SNX31: variants seen among roughly 807,000 people sequenced by gnomAD.
SNX31 encodes the protein sorting nexin 31, also known as sorting nexin-31.
SNX31 carries 58 observed loss-of-function variants against 65.4 expected under a neutral mutation model. The ratio of observed to expected loss-of-function variants is 0.89; its 90% CI spans 0.72 to 1.10. The LOEUF (loss-of-function observed/expected upper bound fraction) is 1.10. Among genes scored for constraint, SNX31 ranks in the 50% least tolerant of loss-of-function variants. The pLI is 0.00. For synonymous variants in SNX31, 181 were observed against 190.1 expected (o/e 0.95, Z 0.39); for missense variants, 523 against 529.7 (o/e 0.99, Z 0.12).
intron 2 of SNX31, among the ~76,000 whole-genome samples, chr8:100,644,687 C>T (rs987860880): frequency 2.0e-5 from 3 of 152,212 alleles, no homozygotes; most frequent in African/African-American, 7.2e-5. Context: ...TGTTTTGAGA[C>T]AGAGTCTCCC....
chr8:100,649,615 A>C lies in SNX31; in HGVS notation c.-101T>G. The C allele has an allele frequency of 8.2e-7, 1 of 1,224,612 alleles. No homozygotes were observed. The highest frequency in any genetic ancestry group is 1.1e-6 in the Non-Finnish European group (1 of 872,062). The allele number at this position is 1,224,612 out of a possible 1,614,324, so 75.9% of individuals were successfully genotyped here. Reference sequence around the variant, plus strand: ...AGCGGTGGACGCAGCGCGGCCTGCCACGCGACTCAGAGCGAACCCCGGCGC... The same window carrying C: ...AGCGGTGGACGCAGCGCGGCCTGCCCCGCGACTCAGAGCGAACCCCGGCGC... On this transcript the variant is annotated 5_prime_UTR_variant, in exon 1 of 14. Transcript: ENST00000311812.
chr8:100,604,623 C>T lies in SNX31; in HGVS notation c.681+3871G>A, dbSNP rs1020715743. ...TCACTGTCCAGGCCAGCAATGGCCCCGCTGAAATGCAGGCCCAGAATTGAC... is the reference window on the plus strand; with the variant it reads ...TCACTGTCCAGGCCAGCAATGGCCCTGCTGAAATGCAGGCCCAGAATTGAC... On this transcript the variant is annotated intron_variant, in intron 8 of 13. Transcript: ENST00000311812. The surrounding 1 kb of genome is among the most constrained non-coding windows in gnomAD (Gnocchi z 4.3). 1.3e-5 allele frequency among the ~76,000 whole-genome samples: 2 copies of T among 152,342 alleles called. No individual in the cohort carries two copies. The highest frequency in any genetic ancestry group is 2.9e-5 in the Non-Finnish European group (2 of 68,030).
intron 1 of SNX31, among the ~76,000 whole-genome samples, chr8:100,656,515 C>T (rs1297859632): frequency 6.6e-6 from 1 of 151,748 alleles, no homozygotes; most frequent in Non-Finnish European, 1.5e-5. Flanking sequence ...GTTGTGGGTG[C>T]CTGTAATCCC....
At chr8:100,586,531 C>T (rs911564054) in intron 11 of SNX31, among the ~76,000 whole-genome samples, 14 of 152,078 alleles carry the variant, frequency 9.2e-5, no homozygotes, top group Non-Finnish European at 1.9e-4. Flanking sequence ...AAAATTTAAC[C>T]GCACTTAGCA....
chr8:100,643,113 C>T (rs1323909188), intron 2 of SNX31, among the ~76,000 whole-genome samples: 2 of 87,692 alleles, frequency 2.3e-5, no homozygotes, highest in Non-Finnish European at 4.0e-5. Flanking sequence ...ATCACTTGAA[C>T]TTGGGGGGGG....
At position 100,648,690 on chromosome 8, in the gene SNX31, G is replaced by A. The variant is rs1402920170; in HGVS notation, c.141+584C>T. On this transcript the variant is annotated intron_variant, in intron 2 of 13. Transcript: ENST00000311812. This position sits in a 1 kb window ranked among gnomAD's most constrained non-coding sequence, Gnocchi z 4.3. ...CAGTCTGCCTCCCAGAGAAAATACTGTCAAGACAGCAGGGTGAGAAACTAT... is the reference window on the plus strand; with the variant it reads ...CAGTCTGCCTCCCAGAGAAAATACTATCAAGACAGCAGGGTGAGAAACTAT... 3.3e-5 allele frequency among the ~76,000 whole-genome samples: 5 copies of A among 152,096 alleles called. No homozygotes were observed.
chr8:100,641,654 ATATATG>A lies in SNX31; in HGVS notation c.142-5649_142-5644del, dbSNP rs1323467254. Among the ~76,000 whole-genome samples the A allele has an allele frequency of 1.5e-3, 70 of 48,140 alleles. 1 individual carries two copies. Among genetic ancestry groups the A allele is most frequent in the African/African-American group, 6.6e-3 (55 of 8,358 alleles). 31.6% of individuals were successfully genotyped at this position (48,140 alleles called of 152,430 possible). On this transcript the variant is annotated intron_variant, in intron 2 of 13. Coordinates refer to ENST00000311812, the MANE Select transcript of SNX31 (RefSeq NM_152628.4). ...TATATATATATATATATATATATAT[ATATATG>A]TATGGTACTTGCCTGTAGCCATTTA...
At chr8:100,596,592 A>C in intron 10 of SNX31, 47 bp downstream of exon 10, 1 of 1,491,348 alleles carries the variant, frequency 6.7e-7, no homozygotes, top group Non-Finnish European at 9.4e-7. Flanking sequence ...ATCCAAGGGT[A>C]CTAGGATTTT....
At chr8:100,640,665 C>G (rs181941219) in intron 2 of SNX31, among the ~76,000 whole-genome samples, 96 of 152,304 alleles carry the variant, frequency 6.3e-4, no homozygotes, top group African/African-American at 2.3e-3. Context: ...TAGTGCGGCA[C>G]TTTATCTCTG....
At chr8:100,600,007 T>A (rs927822033) in intron 9 of SNX31, among the ~76,000 whole-genome samples, 2 of 152,116 alleles carry the variant, frequency 1.3e-5, no homozygotes, top group African/African-American at 4.8e-5. Flanking sequence ...CAGCAAGAGC[T>A]GGAAACAACC....
intron 11 of SNX31, among the ~76,000 whole-genome samples, chr8:100,586,828 T>C (rs950491169): frequency 2.0e-5 from 3 of 152,238 alleles, no homozygotes; most frequent in Non-Finnish European, 4.4e-5. Context: ...GAGACTCAAG[T>C]TGAATATGAC....
intron 1 of SNX31, among the ~76,000 whole-genome samples, chr8:100,655,855 T>C (rs527568458): frequency 1.3e-5 from 2 of 152,268 alleles, no homozygotes; most frequent in Non-Finnish European, 2.9e-5. Flanking sequence ...ACAGCATGTG[T>C]TCTAGATGGA....
chr8:100,582,534 C>T (rs2130804662), intron 12 of SNX31: 1 of 152,028 alleles, frequency 6.6e-6, no homozygotes, highest in South Asian at 2.1e-4. Context: ...ATTTATTTTC[C>T]CTGGAAAAGG....
At chr8:100,596,193 A>G (rs1815075380) in intron 10 of SNX31, among the ~76,000 whole-genome samples, 1 of 152,168 alleles carries the variant, frequency 6.6e-6, no homozygotes, top group Non-Finnish European at 1.5e-5. Flanking sequence ...CCCTGGTACA[A>G]AGTGGGCACT....
In SNX31 at chr8:100,625,721, T is replaced by G. The variant is rs377673478; in HGVS notation, c.321+4606A>C. 6.6e-6 allele frequency among the ~76,000 whole-genome samples: 1 copy of G among 152,106 alleles called. No individual in the cohort carries two copies. Among genetic ancestry groups the G allele is most frequent in the Non-Finnish European group, 1.5e-5 (1 of 68,024 alleles). On this transcript the variant is annotated intron_variant, in intron 4 of 13. Coordinates refer to ENST00000311812, the MANE Select transcript of SNX31 (RefSeq NM_152628.4). The surrounding 1 kb of genome is among the most constrained non-coding windows in gnomAD (Gnocchi z 4.2). ...AAGGAGGGAATCAGAGGTCTCAAAG[T>G]GCTGCAGAACTCAAGCAACGCATAA...
At position 100,635,944 on chromosome 8, in the gene SNX31, G is replaced by C. The variant is rs1435972493; in HGVS notation, c.209C>G (p.Ala70Gly). ...PPKYYLAMTT[A>G]MADERRDQLE... is the part of the protein sequence containing the mutation. The stretch of plus-strand genomic sequence containing the variant: ...TTGGTCCCTCCTCTCATCAGCCATA[G>C]CTGTGGTCATTGCCAGATAGTACTT... The change falls in exon 3 of 14, where the codon GCT (alanine) becomes GGT (glycine). Residue 70 changes from alanine (A) to glycine (G), a missense_variant. Physicochemically the swap from Ala to Gly is moderately conservative, Grantham distance 60 (BLOSUM62 0). Coordinates refer to ENST00000311812, the MANE Select transcript of SNX31 (RefSeq NM_152628.4). 1.2e-6 allele frequency: 2 copies of C among 1,614,108 alleles called. No homozygotes were observed. The highest frequency in any genetic ancestry group is 8.5e-7 in the Non-Finnish European group (1 of 1,179,986).
chr8:100,643,064 A>C (rs1438303879), intron 2 of SNX31, among the ~76,000 whole-genome samples: 2 of 151,436 alleles, frequency 1.3e-5, no homozygotes, highest in African/African-American at 4.9e-5. Flanking sequence ...GGTGGCAGGC[A>C]CTTGTAATCC....
Position 100,630,547 on chromosome 8 carries a change from C to T in SNX31, c.257-156G>A, listed in dbSNP as rs2131181109. Among the ~76,000 whole-genome samples, 1 of 152,282 alleles carries T rather than the reference C, an allele frequency of 6.6e-6. No homozygotes were observed. The highest frequency in any genetic ancestry group is 1.9e-4 in the East Asian group (1 of 5,182). ...AAACCTCTCAAATACAGGAAAACCCCCAAAGCTTGCCTCCTATAGGCAGCC... is the reference window on the plus strand; with the variant it reads ...AAACCTCTCAAATACAGGAAAACCCTCAAAGCTTGCCTCCTATAGGCAGCC... On this transcript the variant is annotated intron_variant, in intron 3 of 13. Transcript: ENST00000311812. The surrounding 1 kb of genome is among the most constrained non-coding windows in gnomAD (Gnocchi z 5.3).
In SNX31 at chr8:100,613,135, G is replaced by GC. The variant is rs1457005018; in HGVS notation, c.433-51dup. ...GGAAAAAGTTAGGTGTGCCCACCAT[G>GC]CATCCTAACTGTGACATGCAGACTT... On this transcript the variant is annotated intron_variant, in intron 5 of 13. Coordinates refer to ENST00000311812, the MANE Select transcript of SNX31 (RefSeq NM_152628.4). This position sits in a 1 kb window ranked among gnomAD's most constrained non-coding sequence, Gnocchi z 5.2. The GC allele has an allele frequency of 7.0e-7, 1 of 1,420,464 alleles. No individual in the cohort carries two copies. Among genetic ancestry groups the GC allele is most frequent in the Non-Finnish European group, 1.0e-6 (1 of 1,004,680 alleles). 88.0% of individuals were successfully genotyped at this position (1,420,464 alleles called of 1,614,324 possible). A position where few individuals can be genotyped will look rare whatever the true frequency, so the allele number is the denominator to read the frequency against.
Sources: gnomAD v4.1 joint callset for allele counts (sites outside exome capture counted in the v4.1 genomes callset) on GRCh38, gnomAD v4.1.1 for gene constraint, Gnocchi (gnomAD v3.1) non-coding constraint, MANE v1.5 for transcripts, NCBI Gene and HGNC (gene_info 2026-07-23, HGNC 2026-07-21) for gene names.